NR2C2AP: variants seen among roughly 807,000 people sequenced by gnomAD.
NR2C2AP encodes the protein nuclear receptor 2C2-associated protein.
NR2C2AP carries 13 observed loss-of-function variants against 19.1 expected under a neutral mutation model. The observed-to-expected ratio is 0.68, with a 90% CI of 0.44 to 1.08. The LOEUF (loss-of-function observed/expected upper bound fraction) is 1.08, where lower values mean the gene tolerates loss of function less well. Among genes scored for constraint, NR2C2AP ranks in the 50% least tolerant of loss-of-function variants. NR2C2AP has a pLI of 0.00. For missense variants in NR2C2AP, 181 were observed against 172.7 expected, an observed-to-expected ratio of 1.05 and a Z score of -0.27; for synonymous variants, 81 against 64.4, an observed-to-expected ratio of 1.26 and a Z score of -1.23.
intron 1 of NR2C2AP, 30 bp from the exon 2 acceptor site, chr19:19,202,911 G>T: frequency 6.2e-7 from 1 of 1,610,198 alleles, no homozygotes; most frequent in Non-Finnish European, 8.5e-7. Flanking sequence ...GGCGAAGAGA[G>T]GGGCTGAGAC....
intron 4 of NR2C2AP, 80 bp downstream of exon 4, chr19:19,202,251 C>A: frequency 7.2e-7 from 1 of 1,397,956 alleles, no homozygotes; most frequent in Non-Finnish European, 1.0e-6. Context: ...GATCACACAT[C>A]AGGGTTCCCA....
chr19:19,201,928 C>T lies in NR2C2AP; in HGVS notation c.417G>A (p.Val139=), dbSNP rs746561492. Residue 139 remains valine, a synonymous_variant, in exon 5 of 5, where the codon GTG becomes GTA. Coordinates refer to ENST00000331552, the MANE Select transcript of NR2C2AP (RefSeq NM_176880.6). The part of the protein sequence containing the change: ...IYHLRVLGEK[V] ...GAGGAGACAGCCCCTAGAGGTCTCA[C>T]ACCTTCTCCCCAAGCACCCGCAGGT... 3.4e-5 allele frequency: 55 copies of T among 1,614,070 alleles called. No homozygotes were observed. Among genetic ancestry groups the T allele is most frequent in the Admixed American group, 1.3e-4 (8 of 60,006 alleles).
chr19:19,203,043 A>C lies in NR2C2AP; in HGVS notation c.18T>G (p.Val6=). ...CTTACCTGCTCACTGTCTCTGGACA[A>C]ACCAAAGAGTGGGTCATGTCGGTTC... MTHSL[V]CPETVSRVSS... The change falls in exon 1 of 5, where the codon GTT becomes GTG. Residue 6 remains valine (V), a synonymous_variant. Coordinates refer to ENST00000331552, the MANE Select transcript of NR2C2AP (RefSeq NM_176880.6). 1 of 1,614,096 alleles carries C rather than the reference A, an allele frequency of 6.2e-7. No homozygotes were observed.
At position 19,202,862 on chromosome 19, in the gene NR2C2AP, G is replaced by A. The variant is rs2060740311; in HGVS notation, c.58C>T (p.Arg20Cys). 1 of 1,613,510 alleles carries A rather than the reference G, an allele frequency of 6.2e-7. No homozygotes were observed. The highest frequency in any genetic ancestry group is 1.3e-5 in the African/African-American group (1 of 74,904). Residue 20 changes from arginine (R) to cysteine (C), a missense_variant, in exon 2 of 5, where the codon CGC (arginine) becomes TGC (cysteine). By Grantham distance (180) the Arg-to-Cys change is radical (BLOSUM62 -3). Coordinates refer to ENST00000331552, the MANE Select transcript of NR2C2AP (RefSeq NM_176880.6). ...TTTTTTCCAAACTGCCGAGTGTTGC[G>A]ATTCAGCACTGAACTCACCCTGGAG... ...TVSRVSSVLNRNTRQFGKKHL... is the reference protein window; with the variant it reads ...TVSRVSSVLNCNTRQFGKKHL...
chr19:19,202,879 AC>A lies in NR2C2AP; in HGVS notation c.40del (p.Val14Ter), dbSNP rs749425659. The A allele has an allele frequency of 1.9e-5, 30 of 1,613,576 alleles. No homozygotes were observed. The highest frequency in any genetic ancestry group is 2.5e-5 in the Non-Finnish European group (30 of 1,179,854). ...SLVCPETVSRVSSVLNRNTRQ... is the reference protein window; with the variant it reads ...SLVCPETVSRXSSVLNRNTRQ... ...AGTGTTGCGATTCAGCACTGAACTC[AC>A]CCTGGAGGCACCAGGATCAAGGCGA... On this transcript the variant is annotated frameshift_variant and splice_region_variant, in exon 2 of 5. Transcript: ENST00000331552. LOFTEE classifies it high-confidence loss of function.
chr19:19,201,966 C>A lies in NR2C2AP; in HGVS notation c.379G>T (p.Val127Leu). 2.5e-6 allele frequency: 4 copies of A among 1,614,208 alleles called. No individual in the cohort carries two copies. Among genetic ancestry groups the A allele is most frequent in the Non-Finnish European group, 3.4e-6 (4 of 1,180,030 alleles). ...AGCACCCGCAGGTGGTAGATGACCA[C>A]ACGGCCAAAAAAGTCAGTGGCATCC... ...FEDATDFFGR[V>L]VIYHLRVLGE... Residue 127 changes from valine to leucine, a missense_variant, in exon 5 of 5, where the codon GTG becomes TTG. Physicochemically the swap from Val to Leu is conservative, Grantham distance 32 (BLOSUM62 1). Coordinates refer to ENST00000331552, the MANE Select transcript of NR2C2AP (RefSeq NM_176880.6).
chr19:19,202,433 AC>A, intron 3 of NR2C2AP, 35 bp from the exon 4 acceptor site: 1 of 1,612,006 alleles, frequency 6.2e-7, no homozygotes, highest in Non-Finnish European at 8.5e-7. Flanking sequence ...GTCTGGGGTG[AC>A]CCCTGGAACC....
rs765846654 is a variant in NR2C2AP at position 19,202,353 on chromosome 19, G to A, written c.281C>T (p.Pro94Leu). 4 of 1,614,208 alleles carry A rather than the reference G, an allele frequency of 2.5e-6. No individual in the cohort carries two copies. Among genetic ancestry groups the A allele is most frequent in the Non-Finnish European group, 3.4e-6 (4 of 1,180,010 alleles). Reference sequence around the variant, plus strand: ...TATCTGAAGCGAGTTGTTGTCCTCAGGGTAGAAATCTACAATCTTGTGGAG... The same window carrying A: ...TATCTGAAGCGAGTTGTTGTCCTCAAGGTAGAAATCTACAATCTTGTGGAG... ...QALHKIVDFY[P>L]EDNNSLQTFP... Residue 94 changes from proline (P) to leucine (L), a missense_variant, in exon 4 of 5, where the codon CCT (proline) becomes CTT (leucine). Physicochemically the swap from Pro to Leu is moderately conservative, Grantham distance 98. Transcript: ENST00000331552.
intron 4 of NR2C2AP, 45 bp downstream of exon 4, chr19:19,202,286 T>C: frequency 6.3e-7 from 1 of 1,590,246 alleles, no homozygotes; most frequent in Non-Finnish European, 8.6e-7. Context: ...AGTCCAAAGC[T>C]TCCAGAGGCA....
At position 19,201,827 on chromosome 19, in the gene NR2C2AP, G is replaced by A. The variant is rs1048062774; in HGVS notation, c.*98C>T. On this transcript the variant is annotated 3_prime_UTR_variant, in exon 5 of 5. Transcript: ENST00000331552. ...AGCTTCTGGACAGGTGGTGGGAGGGGACCCTTCCCAAGAGGAACCAATAAA... is the reference window on the plus strand; with the variant it reads ...AGCTTCTGGACAGGTGGTGGGAGGGAACCCTTCCCAAGAGGAACCAATAAA... 6.2e-7 allele frequency: 1 copy of A among 1,611,580 alleles called. No homozygotes were observed.
At chr19:19,202,770 G>C (rs951449632) in intron 2 of NR2C2AP, 21 bp downstream of exon 2, 1 of 1,601,888 alleles carries the variant, frequency 6.2e-7, no homozygotes, top group South Asian at 1.1e-5. Context: ...TAGAGATGGA[G>C]GGTCGAGGGA....
chr19:19,201,476 A>T lies in NR2C2AP; in HGVS notation c.*449T>A. ...TACAAAAGTGCATTTTTACAAACTT[A>T]GGGGAAGTTGAGGTTCCTGGGGTGA... On this transcript the variant is annotated 3_prime_UTR_variant, in exon 5 of 5. Coordinates refer to ENST00000331552, the MANE Select transcript of NR2C2AP (RefSeq NM_176880.6). The T allele has an allele frequency of 6.3e-7, 1 of 1,579,712 alleles. No homozygotes were observed. Among genetic ancestry groups the T allele is most frequent in the Non-Finnish European group, 8.5e-7 (1 of 1,170,714 alleles).
rs1006396261 is a variant in NR2C2AP at position 19,201,836 on chromosome 19, C to G, written c.*89G>C. ...ACAGGTGGTGGGAGGGGACCCTTCC[C>G]AAGAGGAACCAATAAACCTTCTGTG... On this transcript the variant is annotated 3_prime_UTR_variant, in exon 5 of 5. Transcript: ENST00000331552. 1 of 1,611,060 alleles carries G rather than the reference C, an allele frequency of 6.2e-7. No homozygotes were observed. Among genetic ancestry groups the G allele is most frequent in the Non-Finnish European group, 8.5e-7 (1 of 1,178,580 alleles).
rs1295535841 is a variant in NR2C2AP, at chr19:19,201,524, C to G, written c.*401G>C. On this transcript the variant is annotated 3_prime_UTR_variant, in exon 5 of 5. Coordinates refer to ENST00000331552, the MANE Select transcript of NR2C2AP (RefSeq NM_176880.6). ...TGAGTCCTCGGTTCTCCCAGCTTTG[C>G]TCTGTAATGCAGGTCTCTGCAAGGG... The G allele has an allele frequency of 2.5e-6, 4 of 1,602,332 alleles. No homozygotes were observed. Among genetic ancestry groups the G allele is most frequent in the Non-Finnish European group, 3.4e-6 (4 of 1,179,714 alleles).
intron 1 of NR2C2AP, 43 bp downstream of exon 1, chr19:19,202,980 C>G: frequency 6.2e-6 from 10 of 1,613,746 alleles, no homozygotes; most frequent in Non-Finnish European, 8.5e-6. Flanking sequence ...GGCTCGACCC[C>G]AGGCTTAGGG....
In NR2C2AP at chr19:19,201,840, A is replaced by G; in HGVS notation, c.*85T>C. On this transcript the variant is annotated 3_prime_UTR_variant, in exon 5 of 5. Transcript: ENST00000331552. Reference sequence around the variant, plus strand: ...GTGGTGGGAGGGGACCCTTCCCAAGAGGAACCAATAAACCTTCTGTGCAGA... The same window carrying G: ...GTGGTGGGAGGGGACCCTTCCCAAGGGGAACCAATAAACCTTCTGTGCAGA... The G allele has an allele frequency of 6.2e-7, 1 of 1,611,666 alleles. No homozygotes were observed. The highest frequency in any genetic ancestry group is 8.5e-7 in the Non-Finnish European group (1 of 1,178,756).
chr19:19,203,105 T>G lies in NR2C2AP; in HGVS notation c.-45A>C. The G allele has an allele frequency of 6.2e-7, 1 of 1,608,452 alleles. No individual in the cohort carries two copies. Among genetic ancestry groups the G allele is most frequent in the Non-Finnish European group, 8.5e-7 (1 of 1,175,944 alleles). On this transcript the variant is annotated 5_prime_UTR_variant, in exon 1 of 5. Coordinates refer to ENST00000331552, the MANE Select transcript of NR2C2AP (RefSeq NM_176880.6). The stretch of plus-strand genomic sequence containing the variant: ...GCAGGGCTTAGGATTGGGCACAGCC[T>G]TGGTTCGAATCCCGGCGCCTCCTCA...
At position 19,202,532 on chromosome 19, in the gene NR2C2AP, C is replaced by T; in HGVS notation, c.173G>A (p.Arg58His). Residue 58 changes from arginine to histidine, a missense_variant, in exon 3 of 5, where the codon CGT (arginine) becomes CAT (histidine). Coordinates refer to ENST00000331552, the MANE Select transcript of NR2C2AP (RefSeq NM_176880.6). ...AAACTGGATCTGCAGCTGGGAGACA[C>T]GGATGAGCTGGGGAAACTCCAGCGT... ...WVTLEFPQLI[R>H]VSQLQIQFQG... 1 of 1,613,696 alleles carries T rather than the reference C, an allele frequency of 6.2e-7. No individual in the cohort carries two copies. The highest frequency in any genetic ancestry group is 2.2e-5 in the East Asian group (1 of 44,866).
chr19:19,202,929 C>G, intron 1 of NR2C2AP, 48 bp from the exon 2 acceptor site: 1 of 1,609,074 alleles, frequency 6.2e-7, no homozygotes, highest in Non-Finnish European at 8.5e-7. Flanking sequence ...GACCAGCTCT[C>G]AGCTCCGCGG....
Sources: allele counts gnomAD v4.1 joint callset, GRCh38; gene constraint gnomAD v4.1.1; transcripts MANE v1.5; gene names NCBI Gene and HGNC (gene_info 2026-07-23, HGNC 2026-07-21).